The following CEP63 variants were observed in gnomAD, a reference collection of about 807,000 sequenced individuals.
The protein encoded by CEP63 is centrosomal protein 63.
In CEP63, 84 loss-of-function variants were observed where a neutral mutation model predicts 89.1. The ratio of observed to expected loss-of-function variants is 0.94; its 90% CI spans 0.79 to 1.13. The LOEUF (loss-of-function observed/expected upper bound fraction) is 1.13. Among genes scored for constraint, CEP63 ranks in the 50% most tolerant of loss-of-function variants. The pLI, the probability that CEP63 is intolerant of heterozygous loss-of-function variation, is 0.00. For missense variants in CEP63, 838 were observed against 813.3 expected, an observed-to-expected ratio of 1.03 and a Z score of -0.37; for synonymous variants, 267 against 272.5, an observed-to-expected ratio of 0.98 and a Z score of 0.20.
intron 11 of CEP63, among the ~76,000 whole-genome samples, chr3:134,572,145 T>C (rs757402513): frequency 2.0e-5 from 3 of 152,254 alleles, no homozygotes; most frequent in Non-Finnish European, 2.9e-5. Context: ...TTATGTTTTA[T>C]CTCATGCCTG....
At chr3:134,751,528 C>T in the CEP63 span, among the ~76,000 whole-genome samples, 6,475 of 152,132 alleles carry the variant, frequency 0.043, 473 homozygotes, top group African/African-American at 0.15. Context: ...GAGATGGCTC[C>T]GAGGTTCTAG....
At chr3:134,753,092 G>T in the CEP63 span, among the ~76,000 whole-genome samples, 1 of 152,122 alleles carries the variant, frequency 6.6e-6, no homozygotes, top group African/African-American at 2.4e-5. Context: ...CTGTCCTCAA[G>T]TGTGGGTGTC....
At chr3:134,494,869 C>T (rs191204083) in intron 1 of CEP63, among the ~76,000 whole-genome samples, 43 of 152,254 alleles carry the variant, frequency 2.8e-4, no homozygotes, top group Non-Finnish European at 4.9e-4. Context: ...AATCTCAGTA[C>T]ACTTCGCATT....
chr3:134,658,827 G>A, the CEP63 span, among the ~76,000 whole-genome samples: 1 of 152,200 alleles, frequency 6.6e-6, no homozygotes, highest in African/African-American at 2.4e-5. Context: ...GCAGACACCA[G>A]CCCTGCTCCC....
At chr3:134,625,663 G>A in the CEP63 span, among the ~76,000 whole-genome samples, 96,991 of 152,124 alleles carry the variant, frequency 0.64, 31,593 homozygotes, top group East Asian at 0.88. Context: ...GGGCCATCTG[G>A]GTCCTGCAGG....
chr3:134,703,295 C>CAAAAA, the CEP63 span, among the ~76,000 whole-genome samples: 1 of 77,618 alleles, frequency 1.3e-5, no homozygotes, highest in Non-Finnish European at 2.6e-5. Context: ...GACTCCGTCT[C>CAAAAA]AAAAAAAAAA....
chr3:134,540,913 C>G (rs1478046098), intron 6 of CEP63, among the ~76,000 whole-genome samples: 3 of 152,002 alleles, frequency 2.0e-5, no homozygotes, highest in Non-Finnish European at 4.4e-5. Flanking sequence ...TCCTGAGTAG[C>G]TGGGATTACA....
At chr3:134,775,249 G>C in the CEP63 span, among the ~76,000 whole-genome samples, 122 of 152,312 alleles carry the variant, frequency 8.0e-4, no homozygotes, top group African/African-American at 2.8e-3. Flanking sequence ...TCAGGGAAGA[G>C]GAGACAGGGC....
At chr3:134,685,692 G>A in the CEP63 span, among the ~76,000 whole-genome samples, 1 of 152,198 alleles carries the variant, frequency 6.6e-6, no homozygotes, top group African/African-American at 2.4e-5. Context: ...TCTGGAAAAT[G>A]TATGGAGAAA....
At chr3:134,556,229 C>G (rs1216763010) in intron 12 of CEP63, among the ~76,000 whole-genome samples, 3 of 151,622 alleles carry the variant, frequency 2.0e-5, no homozygotes, top group Admixed American at 6.6e-5. Flanking sequence ...GACTTCATGT[C>G]TAAAACACCA....
the CEP63 span, among the ~76,000 whole-genome samples, chr3:134,597,110 A>G: frequency 6.6e-6 from 1 of 152,126 alleles, no homozygotes; most frequent in African/African-American, 2.4e-5. Context: ...GTGAGGCCAG[A>G]GTGGGGGTCT....
chr3:134,699,031 G>A, the CEP63 span, among the ~76,000 whole-genome samples: 1 of 152,176 alleles, frequency 6.6e-6, no homozygotes, highest in South Asian at 2.1e-4. Context: ...GGCTGAGTGG[G>A]CTTGCTTGGG....
chr3:134,670,963 A>G, the CEP63 span, among the ~76,000 whole-genome samples: 1 of 152,240 alleles, frequency 6.6e-6, no homozygotes, highest in South Asian at 2.1e-4. Flanking sequence ...TAAAACATGC[A>G]AAACAATATA....
chr3:134,560,880 C>G (rs1957223556), intron 14 of CEP63, among the ~76,000 whole-genome samples: 1 of 152,146 alleles, frequency 6.6e-6, no homozygotes, highest in Non-Finnish European at 1.5e-5. Flanking sequence ...GGCATATGTT[C>G]TATGTTACCT....
At chr3:134,565,616 C>T (rs952719082), downstream of CEP63, among the ~76,000 whole-genome samples, 4 of 151,490 alleles carry the variant, frequency 2.6e-5, no homozygotes, top group African/African-American at 7.3e-5. Flanking sequence ...CAAACAGAAT[C>T]GGGGCAGAGG....
chr3:134,680,360 A>G, the CEP63 span, among the ~76,000 whole-genome samples: 1 of 152,220 alleles, frequency 6.6e-6, no homozygotes. Context: ...AAGTTCACCA[A>G]AACAAAGGCC....
At chr3:134,494,641 A>T (rs1334414657) in intron 1 of CEP63, among the ~76,000 whole-genome samples, 2 of 152,114 alleles carry the variant, frequency 1.3e-5, no homozygotes, top group Non-Finnish European at 2.9e-5. Flanking sequence ...CCCTGGAGGG[A>T]TGAATAGTCT....
chr3:134,621,436 T>G, the CEP63 span, among the ~76,000 whole-genome samples: 1 of 152,244 alleles, frequency 6.6e-6, no homozygotes, highest in African/African-American at 2.4e-5. Flanking sequence ...AGTGGATCTT[T>G]GACAAGGGTG....
the CEP63 span, chr3:134,619,184 C>G: frequency 6.2e-7 from 1 of 1,613,958 alleles, no homozygotes; most frequent in Non-Finnish European, 8.5e-7. Context: ...ATAGCCATCA[C>G]AGTTGGTCTT....
Sources: allele counts gnomAD v4.1 joint callset (sites outside exome capture counted in the v4.1 genomes callset), GRCh38; gene constraint gnomAD v4.1.1; transcripts MANE v1.5; gene names NCBI Gene and HGNC (gene_info 2026-07-23, HGNC 2026-07-21).